The following RYR2 variants were observed in gnomAD, a reference collection of about 807,000 sequenced individuals.
RYR2 encodes cardiac muscle ryanodine receptor-calcium release channel.
A neutral mutation model predicts 601.1 loss-of-function variants in RYR2; 227 were observed. The ratio of observed to expected loss-of-function variants is 0.38; its 90% CI spans 0.34 to 0.42. The LOEUF (loss-of-function observed/expected upper bound fraction) is 0.42, where lower values mean the gene tolerates loss of function less well. RYR2 is among the 10% of genes least tolerant of loss of function. The probability of loss-of-function intolerance (pLI) is 1.00; values close to 1 mark genes in which losing one functional copy is unlikely to be tolerated. For synonymous variants in RYR2, 2,223 were observed against 2,175.1 expected, an observed-to-expected ratio of 1.02 and a Z score of -0.61; for missense variants, 4,646 against 6,156.5, an observed-to-expected ratio of 0.75 and a Z score of 8.21.
intron 83 of RYR2, among the ~76,000 whole-genome samples, chr1:237,760,449 T>C (rs1054854960): frequency 2.6e-5 from 4 of 151,002 alleles, no homozygotes; most frequent in Admixed American, 2.6e-4. Context: ...TGAAAATGAG[T>C]TGTGTATGCT....
At chr1:237,491,004 C>T (rs766652489) in intron 17 of RYR2, among the ~76,000 whole-genome samples, 8 of 152,096 alleles carry the variant, frequency 5.3e-5, no homozygotes, top group Non-Finnish European at 1.0e-4. Context: ...TCATTGTTGA[C>T]AAGGCAAGCT....
intron 5 of RYR2, among the ~76,000 whole-genome samples, chr1:237,366,733 T>C (rs770347798): frequency 4.6e-5 from 7 of 151,904 alleles, no homozygotes; most frequent in Non-Finnish European, 8.8e-5. Flanking sequence ...ATATGAAATG[T>C]GTAGGCCAAG....
chr1:237,061,455 C>G (rs533803852), intron 1 of RYR2, among the ~76,000 whole-genome samples: 1 of 152,118 alleles, frequency 6.6e-6, no homozygotes, highest in Non-Finnish European at 1.5e-5. Flanking sequence ...GTAGCTAAGA[C>G]TACAAGTGTA....
intron 27 of RYR2, among the ~76,000 whole-genome samples, chr1:237,562,630 T>A (rs998113928): frequency 2.6e-5 from 4 of 152,202 alleles, no homozygotes; most frequent in African/African-American, 9.7e-5. Context: ...ACAGACTTGA[T>A]AATGTATGAC....
At position 237,804,573 on chromosome 1, in the gene RYR2, A is replaced by G. The variant is rs576122193; in HGVS notation, c.14152-1564A>G. Among the ~76,000 whole-genome samples the G allele has an allele frequency of 2.0e-5, 3 of 152,234 alleles. No individual in the cohort carries two copies. In the South Asian group the frequency reaches 6.2e-4, roughly 32 times the overall value. On this transcript the variant is annotated intron_variant, in intron 98 of 104. Coordinates refer to ENST00000366574, the MANE Select transcript of RYR2 (RefSeq NM_001035.3). Reference sequence around the variant, plus strand: ...AGCAGCCACCATATTTTTATTCTGCATTAGTCCTGGCCCTCCCCCAAAAGT... The same window carrying G: ...AGCAGCCACCATATTTTTATTCTGCGTTAGTCCTGGCCCTCCCCCAAAAGT...
At position 237,504,101 on chromosome 1, in the gene RYR2, A is replaced by G. The variant is rs115788270; in HGVS notation, c.2613+596A>G. Among the ~76,000 whole-genome samples the G allele has an allele frequency of 4.2e-3, 635 of 152,374 alleles. 3 individuals carry two copies. Among genetic ancestry groups the G allele is most frequent in the African/African-American group, 0.014 (601 of 41,586 alleles). ...ACCTGAGGTGTTAAAAACACTGTTCAAGGTTGTCTTTAAAGTTTTATTAAA... is the reference window on the plus strand; with the variant it reads ...ACCTGAGGTGTTAAAAACACTGTTCGAGGTTGTCTTTAAAGTTTTATTAAA... On this transcript the variant is annotated intron_variant, in intron 22 of 104. Transcript: ENST00000366574.
At chr1:237,675,894 C>A (rs1685351278) in intron 60 of RYR2, among the ~76,000 whole-genome samples, 1 of 152,124 alleles carries the variant, frequency 6.6e-6, no homozygotes. Context: ...TTATTGCTCT[C>A]TTTGAGCCCT....
At position 237,363,135 on chromosome 1, in the gene RYR2, G is replaced by A. The variant is rs374657077; in HGVS notation, c.295-1223G>A. ...AGTATCTCTTCACAAACCATGTGCT[G>A]TACCAAAATGTTAGGTTTTTGTGTT... On this transcript the variant is annotated intron_variant, in intron 4 of 104. Coordinates refer to ENST00000366574, the MANE Select transcript of RYR2 (RefSeq NM_001035.3). 1.5e-4 allele frequency among the ~76,000 whole-genome samples: 23 copies of A among 151,266 alleles called. No homozygotes were observed. The East Asian group carries it at 2.1e-3, about 14-fold the overall frequency.
intron 1 of RYR2, among the ~76,000 whole-genome samples, chr1:237,074,938 G>A (rs925176334): frequency 2.6e-5 from 4 of 152,176 alleles, no homozygotes; most frequent in African/African-American, 4.8e-5. Flanking sequence ...ACATGCAGCT[G>A]GATTGTGCAG....
chr1:237,670,434 C>G (rs1448063704), intron 58 of RYR2, among the ~76,000 whole-genome samples: 1 of 152,004 alleles, frequency 6.6e-6, no homozygotes, highest in African/African-American at 2.4e-5. Context: ...CTAAAACCAC[C>G]CCATAAATGT....
intron 1 of RYR2, among the ~76,000 whole-genome samples, chr1:237,215,412 T>C (rs1030710830): frequency 2.0e-5 from 3 of 152,324 alleles, no homozygotes; most frequent in Non-Finnish European, 4.4e-5. Flanking sequence ...ATGAGGATTC[T>C]TACTTTTTAT....
At chr1:237,832,463 G>A (rs995564676) in intron 104 of RYR2, 89 bp from the exon 105 acceptor site, 44 of 759,054 alleles carry the variant, frequency 5.8e-5, no homozygotes, top group Admixed American at 2.5e-4. Flanking sequence ...TATTCCGTGC[G>A]ATATAGGTAA....
chr1:237,558,655 A>C (rs1282240261), intron 27 of RYR2, among the ~76,000 whole-genome samples: 2 of 152,080 alleles, frequency 1.3e-5, no homozygotes, highest in Non-Finnish European at 2.9e-5. Flanking sequence ...TTTTTCATCA[A>C]ATTTGGGAAG....
chr1:237,825,842 C>CA (rs1663026907), intron 101 of RYR2, among the ~76,000 whole-genome samples: 1 of 152,108 alleles, frequency 6.6e-6, no homozygotes, highest in African/African-American at 2.4e-5. Context: ...ACAACCCCAT[C>CA]AAAAAGTGGG....
At chr1:237,579,125 C>A (rs1453374821) in intron 29 of RYR2, among the ~76,000 whole-genome samples, 1 of 152,116 alleles carries the variant, frequency 6.6e-6, no homozygotes, top group Non-Finnish European at 1.5e-5. Context: ...ATGATCTAAG[C>A]CCAGCTCACC....
chr1:237,491,765 A>G (rs1663371791), intron 17 of RYR2, 41 bp from the exon 18 acceptor site: 1 of 911,994 alleles, frequency 1.1e-6, no homozygotes, highest in Admixed American at 2.1e-5. Context: ...TACACCAATT[A>G]ATCATGTGTT....
chr1:237,511,541 T>C, intron 23 of RYR2, 147 bp from the exon 24 acceptor site: 1 of 606,952 alleles, frequency 1.6e-6, no homozygotes, highest in Non-Finnish European at 3.1e-6. Context: ...TCACTGCGCC[T>C]GAGAGGTTGT....
intron 10 of RYR2, among the ~76,000 whole-genome samples, chr1:237,395,673 A>G (rs1702783950): frequency 6.6e-6 from 1 of 151,230 alleles, no homozygotes; most frequent in Non-Finnish European, 1.5e-5. Flanking sequence ...CATCCTCCCA[A>G]GTAGCTGGGA....
Position 237,732,014 on chromosome 1 carries a change from T to A in RYR2, c.10936-32T>A, listed in dbSNP as rs781649909. The A allele has an allele frequency of 1.7e-5, 24 of 1,396,556 alleles. No individual in the cohort carries two copies. In the South Asian group the frequency reaches 2.4e-4, roughly 14 times the overall value. The allele number at this position is 1,396,556 out of a possible 1,614,324, so 86.5% of individuals were successfully genotyped here. A position where few individuals can be genotyped will look rare whatever the true frequency, so the allele number is the denominator to read the frequency against. On this transcript the variant is annotated intron_variant, in intron 77 of 104. Coordinates refer to ENST00000366574, the MANE Select transcript of RYR2 (RefSeq NM_001035.3). ...GATTTGAGTGAACATTTTTTTTTAA[T>A]GTGACATTTTATAAATTTGACTTTT... is the stretch of plus-strand genomic sequence containing the variant.
Sources: gnomAD v4.1 joint callset for allele counts (sites outside exome capture counted in the v4.1 genomes callset) on GRCh38, gnomAD v4.1.1 for gene constraint, MANE v1.5 for transcripts, NCBI Gene and HGNC (gene_info 2026-07-23, HGNC 2026-07-21) for gene names.